The following IRF2 variants were observed in gnomAD, a reference collection of about 807,000 sequenced individuals.
IRF2 encodes interferon regulatory factor 2.
IRF2 carries 15 observed loss-of-function variants against 40.6 expected under a neutral mutation model. The observed-to-expected ratio is 0.37, with a 90% CI of 0.25 to 0.57. The LOEUF (loss-of-function observed/expected upper bound fraction) is 0.57, where lower values mean the gene tolerates loss of function less well. Among genes scored for constraint, IRF2 ranks in the 20% least tolerant of loss-of-function variants. The pLI, the probability that IRF2 is intolerant of heterozygous loss-of-function variation, is 0.77. For missense variants in IRF2, 317 were observed against 455.7 expected (o/e 0.70, Z 2.77); for synonymous variants, 151 against 165.5 (o/e 0.91, Z 0.67).
intron 6 of IRF2, among the ~76,000 whole-genome samples, chr4:184,403,563 A>G (rs1168830008): frequency 6.6e-6 from 1 of 152,190 alleles, no homozygotes; most frequent in African/African-American, 2.4e-5. Context: ...AAACAACCAT[A>G]CAAGACAGAA....
At chr4:184,438,670 C>T (rs2553535) in intron 1 of IRF2, among the ~76,000 whole-genome samples, 151,949 of 152,336 alleles carry the variant, frequency 1, 75,783 homozygotes, top group Middle Eastern at 1. Context: ...GTCCTGGGAT[C>T]ACAGGCGTGA....
chr4:184,388,914 C>CA lies in IRF2; in HGVS notation c.893_894insT (p.Val299GlyfsTer55). The CA allele has an allele frequency of 6.2e-7, 1 of 1,614,066 alleles. No homozygotes were observed. Among genetic ancestry groups the CA allele is most frequent in the Non-Finnish European group, 8.5e-7 (1 of 1,180,022 alleles). Reference sequence around the variant, plus strand: ...GGGGCCAGGAGCTGTTGTAAGGCACCGGATTGCTCTCCTCTTTGATGGTGA... The same window carrying CA: ...GGGGCCAGGAGCTGTTGTAAGGCACCAGGATTGCTCTCCTCTTTGATGGTGA... On this transcript the variant is annotated frameshift_variant, in exon 9 of 9. Coordinates refer to ENST00000393593, the MANE Select transcript of IRF2 (RefSeq NM_002199.4). LOFTEE classifies it high-confidence loss of function. The surrounding 1 kb of genome is among the most constrained non-coding windows in gnomAD (Gnocchi z 4.6).
rs6843883 is a variant in IRF2 at position 184,471,365 on chromosome 4, C to T, written c.-7+3014G>A. The stretch of plus-strand genomic sequence containing the variant: ...CCTAGTGTAAAGATGCTGTCTTTCT[C>T]GCTGTCAGTTGAGTATACAGAGGCT... On this transcript the variant is annotated intron_variant, in intron 1 of 8. Transcript: ENST00000393593. 8.3e-3 allele frequency among the ~76,000 whole-genome samples: 1,266 copies of T among 152,320 alleles called. 19 individuals carry two copies. Among genetic ancestry groups the T allele is most frequent in the African/African-American group, 0.028 (1,173 of 41,552 alleles).
intron 1 of IRF2, among the ~76,000 whole-genome samples, chr4:184,462,197 A>G (rs1739171918): frequency 1.3e-5 from 2 of 152,186 alleles, no homozygotes; most frequent in African/African-American, 4.8e-5. Context: ...ACTAATCTAC[A>G]GTGTTTTCAT....
At chr4:184,445,083 A>G (rs1364675922) in intron 1 of IRF2, among the ~76,000 whole-genome samples, 1 of 152,156 alleles carries the variant, frequency 6.6e-6, no homozygotes, top group Non-Finnish European at 1.5e-5. Context: ...CCACAGCACC[A>G]ATGACAGTCA....
At chr4:184,465,271 T>C (rs1739280508) in intron 1 of IRF2, among the ~76,000 whole-genome samples, 2 of 152,220 alleles carry the variant, frequency 1.3e-5, no homozygotes, top group Admixed American at 1.3e-4. Context: ...TAGAGCCTGC[T>C]CCACACATGG....
At position 184,427,652 on chromosome 4, in the gene IRF2, C is replaced by CA. The variant is rs1029328593; in HGVS notation, c.87+1325dup. Among the ~76,000 whole-genome samples the CA allele has an allele frequency of 2.8e-3, 404 of 141,774 alleles. 4 individuals carry two copies. Among genetic ancestry groups the CA allele is most frequent in the East Asian group, 0.015 (74 of 4,992 alleles). The allele number at this position is 141,774 out of a possible 152,430, so 93.0% of individuals were successfully genotyped here. A position where few individuals can be genotyped will look rare whatever the true frequency, so the allele number is the denominator to read the frequency against. On this transcript the variant is annotated intron_variant, in intron 2 of 8. Transcript: ENST00000393593. Reference sequence around the variant, plus strand: ...AGAGGGAGACCTTGTCTAAAGAAAACAAAAAAAAAATCAAAATAAGTGGAT... The same window carrying CA: ...AGAGGGAGACCTTGTCTAAAGAAAACAAAAAAAAAAATCAAAATAAGTGGAT...
chr4:184,412,245 A>G (rs793780), intron 5 of IRF2, among the ~76,000 whole-genome samples: 3,699 of 152,256 alleles, frequency 0.024, 145 homozygotes, highest in African/African-American at 0.08. Flanking sequence ...CTGGCACAAG[A>G]GAGAGTTCAG....
intron 1 of IRF2, among the ~76,000 whole-genome samples, chr4:184,434,231 C>G (rs542862030): frequency 1.3e-5 from 2 of 152,172 alleles, no homozygotes; most frequent in Admixed American, 1.3e-4. Flanking sequence ...TGTCTAAGAA[C>G]CAAAATGCAC....
chr4:184,392,563 T>A (rs977537018), intron 7 of IRF2, among the ~76,000 whole-genome samples: 1 of 152,210 alleles, frequency 6.6e-6, no homozygotes, highest in South Asian at 2.1e-4. Context: ...ACCCGGTCCC[T>A]GCTGAGGGGC....
chr4:184,438,913 T>C (rs1442335413), intron 1 of IRF2, among the ~76,000 whole-genome samples: 1 of 152,174 alleles, frequency 6.6e-6, no homozygotes, highest in Non-Finnish European at 1.5e-5. Context: ...GCCTGCGACA[T>C]TCAAATCACT....
chr4:184,450,080 T>C (rs978971757), intron 1 of IRF2, among the ~76,000 whole-genome samples: 1 of 152,198 alleles, frequency 6.6e-6, no homozygotes, highest in Non-Finnish European at 1.5e-5. Flanking sequence ...AGCAAGATAA[T>C]GCGGTACACA....
At chr4:184,453,211 G>C (rs1738790603) in intron 1 of IRF2, among the ~76,000 whole-genome samples, 1 of 152,076 alleles carries the variant, frequency 6.6e-6, no homozygotes, top group Admixed American at 6.6e-5. Context: ...TTTTTTTAAA[G>C]AGCATTTTCT....
At chr4:184,430,071 G>T (rs1239218380) in intron 1 of IRF2, among the ~76,000 whole-genome samples, 5 of 152,126 alleles carry the variant, frequency 3.3e-5, no homozygotes, top group Middle Eastern at 3.2e-3. Flanking sequence ...ATCCTGATTG[G>T]TCCCTTCCTT....
intron 7 of IRF2, among the ~76,000 whole-genome samples, chr4:184,394,373 T>C: frequency 6.6e-6 from 1 of 152,228 alleles, no homozygotes; most frequent in East Asian, 1.9e-4. Flanking sequence ...AGGGAGAGGA[T>C]GCATTTTCAC....
intron 7 of IRF2, among the ~76,000 whole-genome samples, chr4:184,394,561 C>A (rs575941968): frequency 6.6e-6 from 1 of 152,318 alleles, no homozygotes; most frequent in South Asian, 2.1e-4. Flanking sequence ...CTCTGCCCAA[C>A]AAAATGCAAG....
At position 184,408,171 on chromosome 4, in the gene IRF2, C is replaced by T. The variant is rs780275971; in HGVS notation, c.516G>A (p.Thr172=). ...TSTIKNEVDS[T]VNIIVVGQSH... The stretch of plus-strand genomic sequence containing the variant: ...AAAACAGTTTACCTATGATGTTCAC[C>T]GTACTATCCACTTCATTTTTTATAG... The change falls in exon 6 of 9, where the codon ACG becomes ACA. Residue 172 remains threonine (T), a synonymous_variant. Transcript: ENST00000393593. The surrounding 1 kb of genome is among the most constrained non-coding windows in gnomAD (Gnocchi z 4.9). 2.7e-5 allele frequency: 43 copies of T among 1,595,044 alleles called. No individual in the cohort carries two copies. The highest frequency in any genetic ancestry group is 5.5e-5 in the South Asian group (5 of 90,588).
At chr4:184,432,176 G>A (rs1737908852) in intron 1 of IRF2, 1 of 152,236 alleles carries the variant, frequency 6.6e-6, no homozygotes, top group Non-Finnish European at 1.5e-5. Context: ...CTGTATCTGT[G>A]AATTTGCCTA....
chr4:184,404,800 T>TCCCTGACTACAGGCTGC (rs1736791508), intron 6 of IRF2, among the ~76,000 whole-genome samples: 1 of 152,028 alleles, frequency 6.6e-6, no homozygotes, highest in Non-Finnish European at 1.5e-5. Flanking sequence ...GGCCAGGCTG[T>TCCCTGACTACAGGCTGC]CCCTGACTAC....
Sources: allele counts gnomAD v4.1 joint callset (sites outside exome capture counted in the v4.1 genomes callset), GRCh38; gene constraint gnomAD v4.1.1; non-coding constraint Gnocchi (gnomAD v3.1); transcripts MANE v1.5; gene names NCBI Gene and HGNC (gene_info 2026-07-23, HGNC 2026-07-21).